SCAF8: variants seen among roughly 807,000 people sequenced by gnomAD.
SCAF8 encodes SR-related CTD associated factor 8.
A neutral mutation model predicts 140.5 loss-of-function variants in SCAF8; 23 were observed. The observed-to-expected ratio is 0.16, with a 90% CI of 0.12 to 0.23. The LOEUF is 0.23. SCAF8 is among the 10% of genes least tolerant of loss of function. SCAF8 has a pLI of 1.00. For missense variants in SCAF8, 1,397 were observed against 1,555.7 expected (o/e 0.90, Z 1.72); for synonymous variants, 575 against 528.9 (o/e 1.09, Z -1.20).
In SCAF8 at chr6:154,832,889, C is replaced by T; in HGVS notation, c.3310C>T (p.His1104Tyr). ...GHRGDFDERE[H>Y]RVLPVYGGPK... is the part of the protein sequence containing the mutation. ...TAGAGGAGATTTTGATGAGAGAGAG[C>T]ATCGGGTTCTACCGGTCTATGGTGG... Residue 1104 changes from histidine (H) to tyrosine (Y), a missense_variant, in exon 20 of 20, where the codon CAT becomes TAT. Physicochemically the swap from His to Tyr is moderately conservative, Grantham distance 83. This residue lies in a region of SCAF8 where 930 missense variants were observed against 874.6 expected (regional missense o/e 1.06). Transcript: ENST00000367178. 1 of 1,614,044 alleles carries T rather than the reference C, an allele frequency of 6.2e-7. No homozygotes were observed.
intron 1 of SCAF8, among the ~76,000 whole-genome samples, chr6:154,754,014 T>C (rs543863722): frequency 5.9e-5 from 9 of 152,278 alleles, no homozygotes; most frequent in Non-Finnish European, 1.3e-4. Flanking sequence ...CCATATTGTT[T>C]TTGTAATATT....
chr6:154,736,422 C>G (rs556476807), intron 1 of SCAF8, among the ~76,000 whole-genome samples: 1 of 151,986 alleles, frequency 6.6e-6, no homozygotes, highest in East Asian at 1.9e-4. Flanking sequence ...AGGCACCCAC[C>G]GCCATGCCCA....
At chr6:154,761,733 AT>A (rs1402077140) in intron 1 of SCAF8, among the ~76,000 whole-genome samples, 1 of 152,070 alleles carries the variant, frequency 6.6e-6, no homozygotes, top group African/African-American at 2.4e-5. Flanking sequence ...TATTTTAAAT[AT>A]TTTTTATAAA....
intron 5 of SCAF8, among the ~76,000 whole-genome samples, chr6:154,793,456 TTTTTTTCATAA>T (rs1031423609): frequency 2.6e-5 from 4 of 151,636 alleles, no homozygotes; most frequent in African/African-American, 9.7e-5. Flanking sequence ...TATGAAAAAA[TTTTTTTCATAA>T]TTTTTTCATA....
chr6:154,789,104 C>T (rs1412871997), intron 4 of SCAF8, among the ~76,000 whole-genome samples: 13 of 151,926 alleles, frequency 8.6e-5, no homozygotes, highest in Non-Finnish European at 1.6e-4. Flanking sequence ...ATAGCTATGG[C>T]GATAAATTTA....
chr6:154,772,456 G>A lies in SCAF8; in HGVS notation c.31-1533G>A, dbSNP rs74755703. On this transcript the variant is annotated intron_variant, in intron 1 of 19. Transcript: ENST00000367178. ...TGTAACCTCACCACTTTGAGAGGCT[G>A]AAGTAGGCAGATTGCTTGAGCCCAG... Among the ~76,000 whole-genome samples the A allele has an allele frequency of 3.5e-3, 536 of 152,304 alleles. 6 individuals are homozygous for A. Among genetic ancestry groups the A allele is most frequent in the Admixed American group, 0.026 (392 of 15,290 alleles).
intron 4 of SCAF8, among the ~76,000 whole-genome samples, chr6:154,791,947 T>C (rs1777432147): frequency 6.6e-6 from 1 of 152,032 alleles, no homozygotes; most frequent in African/African-American, 2.4e-5. Flanking sequence ...GAAGAGTAAA[T>C]GAGATGGTTC....
chr6:154,823,513 T>C (rs549516497), intron 16 of SCAF8, among the ~76,000 whole-genome samples: 10 of 152,160 alleles, frequency 6.6e-5, no homozygotes, highest in Non-Finnish European at 1.5e-4. Context: ...GAAGGTGTTG[T>C]AGCCAACAGG....
intron 1 of SCAF8, among the ~76,000 whole-genome samples, chr6:154,735,328 A>G (rs1365380350): frequency 6.6e-6 from 1 of 152,110 alleles, no homozygotes; most frequent in Non-Finnish European, 1.5e-5. Flanking sequence ...GCATAGTTTT[A>G]TCTTGTTTTA....
chr6:154,824,524 C>G (rs1778508688), intron 17 of SCAF8, 146 bp downstream of exon 17: 2 of 689,990 alleles, frequency 2.9e-6, no homozygotes, highest in South Asian at 4.6e-5. Flanking sequence ...GGCCCAGCCT[C>G]CACTGTTTTT....
chr6:154,795,471 T>TA (rs1311685495), intron 6 of SCAF8, among the ~76,000 whole-genome samples: 7 of 152,216 alleles, frequency 4.6e-5, no homozygotes, highest in Non-Finnish European at 1.0e-4. Flanking sequence ...GGACAGATGG[T>TA]AAAAAATAGT....
At chr6:154,806,263 A>C (rs1311670059) in intron 9 of SCAF8, among the ~76,000 whole-genome samples, 2 of 152,198 alleles carry the variant, frequency 1.3e-5, no homozygotes, top group African/African-American at 2.4e-5. Context: ...TAAGTTGTAG[A>C]GCTAGGATTA....
chr6:154,809,884 C>G (rs755884900), intron 11 of SCAF8, 131 bp from the exon 12 acceptor site: 1 of 791,138 alleles, frequency 1.3e-6, no homozygotes, highest in Non-Finnish European at 2.1e-6. Context: ...GATTTTACTT[C>G]AGAATATTTT....
chr6:154,831,703 T>TAAAAAAAAAAAAAAAA (rs58013583), intron 19 of SCAF8, among the ~76,000 whole-genome samples: 8 of 48,094 alleles, frequency 1.7e-4, no homozygotes, highest in African/African-American at 5.6e-4. Context: ...CTCCTGTTCT[T>TAAAAAAAAAAAAAAAA]AAAAAAAAAA....
At chr6:154,748,880 A>C (rs1316663447) in intron 1 of SCAF8, among the ~76,000 whole-genome samples, 1 of 152,252 alleles carries the variant, frequency 6.6e-6, no homozygotes, top group Non-Finnish European at 1.5e-5. Context: ...TAAATGTCTG[A>C]GTTCTCTTAG....
chr6:154,825,851 C>T (rs370871842), intron 17 of SCAF8, among the ~76,000 whole-genome samples: 14 of 151,984 alleles, frequency 9.2e-5, no homozygotes, highest in East Asian at 5.8e-4. Flanking sequence ...CAATTATATA[C>T]GCATATTGAT....
intron 3 of SCAF8, among the ~76,000 whole-genome samples, chr6:154,785,907 T>C (rs1176735122): frequency 6.6e-6 from 1 of 152,210 alleles, no homozygotes; most frequent in African/African-American, 2.4e-5. Context: ...TACTAGAATA[T>C]AGTTGAAAAA....
chr6:154,736,265 CTTTTTTTTTTT>C (rs71021071), intron 1 of SCAF8, among the ~76,000 whole-genome samples: 1 of 78,450 alleles, frequency 1.3e-5, no homozygotes, highest in African/African-American at 5.9e-5. Flanking sequence ...CCATCCAAGA[CTTTTTTTTTTT>C]TTTTTTTTTT....
At chr6:154,830,833 C>T (rs1778708790) in intron 18 of SCAF8, 89 bp from the exon 19 acceptor site, 1 of 883,758 alleles carries the variant, frequency 1.1e-6, no homozygotes, top group Non-Finnish European at 1.8e-6. Context: ...TACAGAGATG[C>T]CATTAAATTA....
Sources: gnomAD v4.1 joint callset for allele counts (sites outside exome capture counted in the v4.1 genomes callset) on GRCh38, gnomAD v4.1.1 for gene constraint, gnomAD v4.1.1 regional missense constraint, MANE v1.5 for transcripts, NCBI Gene and HGNC (gene_info 2026-07-23, HGNC 2026-07-21) for gene names.